Variants in ARNT observed in about 807,000 individuals in gnomAD.
ARNT encodes the protein aryl hydrocarbon receptor nuclear translocator, also known as class E basic helix-loop-helix protein 2.
ARNT carries 30 observed loss-of-function variants against 105.0 expected under a neutral mutation model. The observed-to-expected ratio is 0.29, with a 90% CI of 0.21 to 0.39. ARNT has a LOEUF of 0.39. Ranked by LOEUF, ARNT falls within the 10% of genes least tolerant of loss-of-function variation. The probability of loss-of-function intolerance (pLI) is 1.00; values close to 1 mark genes in which losing one functional copy is unlikely to be tolerated. For synonymous variants in ARNT, 304 were observed against 344.0 expected (o/e 0.88, Z 1.29); for missense variants, 748 against 978.7 (o/e 0.76, Z 3.15).
At chr1:150,850,312 C>T (rs1663092334) in intron 3 of ARNT, among the ~76,000 whole-genome samples, 1 of 152,186 alleles carries the variant, frequency 6.6e-6, no homozygotes, top group Admixed American at 6.5e-5. Flanking sequence ...TCTCTTTCCA[C>T]GGTCTCCCTC....
At position 150,816,296 on chromosome 1, in the gene ARNT, G is replaced by A; in HGVS notation, c.1913C>T (p.Thr638Ile). Residue 638 changes from threonine (T) to isoleucine (I), a missense_variant, in exon 19 of 22, where the codon ACT becomes ATT. Coordinates refer to ENST00000358595, the MANE Select transcript of ARNT (RefSeq NM_001668.4). ...GCCTGAGCGGGTAGTAGGGGTCCAAGTTGGGGTTGCTCCTTGGGTGGGGTT... is the reference window on the plus strand; with the variant it reads ...GCCTGAGCGGGTAGTAGGGGTCCAAATTGGGGTTGCTCCTTGGGTGGGGTT... ...HSNPTQGATPTWTPTTRSGFS... is the reference protein window; with the variant it reads ...HSNPTQGATPIWTPTTRSGFS... 4 of 1,608,210 alleles carry A rather than the reference G, an allele frequency of 2.5e-6. No homozygotes were observed. The highest frequency in any genetic ancestry group is 3.4e-6 in the Non-Finnish European group (4 of 1,178,356).
intron 21 of ARNT, among the ~76,000 whole-genome samples, chr1:150,812,415 T>A (rs1654916813): frequency 6.6e-6 from 1 of 152,202 alleles, no homozygotes; most frequent in Non-Finnish European, 1.5e-5. Context: ...GAGTCTCTTA[T>A]CCTATTTGTT....
chr1:150,842,620 A>G, intron 4 of ARNT, 152 bp from the exon 5 acceptor site: 1 of 585,454 alleles, frequency 1.7e-6, no homozygotes, highest in South Asian at 2.3e-5. Flanking sequence ...AAGGATATAG[A>G]ACTAAACAGA....
chr1:150,860,372 C>T (rs760070034), intron 1 of ARNT, among the ~76,000 whole-genome samples: 57 of 151,338 alleles, frequency 3.8e-4, no homozygotes, highest in Non-Finnish European at 5.0e-4. Flanking sequence ...CGCACCACCA[C>T]GCCTGGCTAA....
chr1:150,867,231 A>C (rs1018449507), intron 1 of ARNT, among the ~76,000 whole-genome samples: 7 of 151,270 alleles, frequency 4.6e-5, no homozygotes, highest in African/African-American at 1.5e-4. Context: ...ACAAAAAAAA[A>C]CAGATTACTC....
intron 3 of ARNT, among the ~76,000 whole-genome samples, chr1:150,850,462 T>C (rs1447380814): frequency 6.6e-6 from 1 of 152,214 alleles, no homozygotes; most frequent in Non-Finnish European, 1.5e-5. Flanking sequence ...TCGTATTTTT[T>C]TGGTGGAGAC....
chr1:150,834,374 C>T (rs767396774), intron 8 of ARNT, among the ~76,000 whole-genome samples, 164 bp downstream of exon 8: 10 of 152,156 alleles, frequency 6.6e-5, no homozygotes, highest in African/African-American at 1.4e-4. Context: ...AGTTCAGAAA[C>T]GTTAGTTCCC....
At position 150,851,702 on chromosome 1, in the gene ARNT, C is replaced by T. The variant is rs587619763; in HGVS notation, c.182+1060G>A. On this transcript the variant is annotated intron_variant, in intron 3 of 21. Coordinates refer to ENST00000358595, the MANE Select transcript of ARNT (RefSeq NM_001668.4). The stretch of plus-strand genomic sequence containing the variant: ...ATCACCACTCCCTAATCTCAAGTAC[C>T]CAGGGACACAAACACTGTGGAAGGC... Among the ~76,000 whole-genome samples the T allele has an allele frequency of 3.6e-3, 546 of 152,188 alleles. 1 individual carries two copies. Among genetic ancestry groups the T allele is most frequent in the Middle Eastern group, 6.8e-3 (2 of 294 alleles).
At chr1:150,839,064 T>C (rs1239964792) in intron 6 of ARNT, among the ~76,000 whole-genome samples, 2 of 152,194 alleles carry the variant, frequency 1.3e-5, no homozygotes, top group Non-Finnish European at 2.9e-5. Flanking sequence ...ATTCATTCTA[T>C]TACTAAAACT....
chr1:150,836,589 T>A (rs958947985), intron 6 of ARNT, 96 bp from the exon 7 acceptor site: 3 of 1,258,314 alleles, frequency 2.4e-6, no homozygotes, highest in South Asian at 2.9e-5. Flanking sequence ...GCCACATGCA[T>A]CTCTCCGTAA....
intron 6 of ARNT, 145 bp downstream of exon 6, chr1:150,839,296 T>A (rs764700305): frequency 2.8e-6 from 2 of 704,556 alleles, no homozygotes; most frequent in Non-Finnish European, 4.8e-6. Context: ...GTCCCAATGC[T>A]AATTAATGTT....
rs1660354409 is a variant in ARNT at position 150,836,508 on chromosome 1, G to T, written c.487-15C>A. On this transcript the variant is annotated splice_polypyrimidine_tract_variant and intron_variant, in intron 6 of 21. Coordinates refer to ENST00000358595, the MANE Select transcript of ARNT (RefSeq NM_001668.4). ...TGTTTCAGTTCCTGCGCAAGAAAAA[G>T]AAATAGAAGTTAATATTTTACTCTG... 1.2e-6 allele frequency: 2 copies of T among 1,610,202 alleles called. No homozygotes were observed. Among genetic ancestry groups the T allele is most frequent in the Non-Finnish European group, 1.7e-6 (2 of 1,178,026 alleles).
rs1654713601 is a variant in ARNT, at chr1:150,811,471, CACACACAT to C, written c.*542_*549del. On this transcript the variant is annotated 3_prime_UTR_variant, in exon 22 of 22. Transcript: ENST00000358595. ...AAGCATGTGTGCGCACACACACACACACACACATACACACACACTCTCTCTCACTTACT... is the reference window on the plus strand; with the variant it reads ...AAGCATGTGTGCGCACACACACACACACACACACACTCTCTCTCACTTACT... The C allele has an allele frequency of 4.3e-6, 1 of 232,162 alleles. No homozygotes were observed. The highest frequency in any genetic ancestry group is 2.3e-5 in the African/African-American group (1 of 44,108). The allele number at this position is 232,162 out of a possible 1,614,324, so 14.4% of individuals were successfully genotyped here.
Position 150,811,944 on chromosome 1 carries a change from T to C in ARNT, c.*77A>G. The stretch of plus-strand genomic sequence containing the variant: ...AGGGAAGGGAGAGGAACTTTTATTC[T>C]GTTTACAGAAAGATTTGCTTTTTAA... On this transcript the variant is annotated 3_prime_UTR_variant, in exon 22 of 22. Transcript: ENST00000358595. The C allele has an allele frequency of 8.5e-7, 1 of 1,173,564 alleles. No individual in the cohort carries two copies. Among genetic ancestry groups the C allele is most frequent in the Non-Finnish European group, 1.2e-6 (1 of 864,622 alleles). The allele number at this position is 1,173,564 out of a possible 1,614,324, so 72.7% of individuals were successfully genotyped here.
At chr1:150,845,117 G>A (rs1311008996) in intron 4 of ARNT, among the ~76,000 whole-genome samples, 1 of 151,846 alleles carries the variant, frequency 6.6e-6, no homozygotes, top group Non-Finnish European at 1.5e-5. Context: ...GCCTCTTACT[G>A]TCATTTTTAA....
intron 3 of ARNT, among the ~76,000 whole-genome samples, chr1:150,852,494 A>G (rs780861785): frequency 2.0e-5 from 3 of 152,208 alleles, no homozygotes; most frequent in Non-Finnish European, 4.4e-5. Flanking sequence ...CAGAATTGAG[A>G]AATAACGAAC....
chr1:150,821,498 GC>G (rs1195913824), intron 14 of ARNT, among the ~76,000 whole-genome samples: 2 of 152,274 alleles, frequency 1.3e-5, no homozygotes, highest in East Asian at 3.9e-4. Context: ...GCAATAGGTG[GC>G]TACCAAATTA....
chr1:150,817,975 G>A lies in ARNT; in HGVS notation c.1450C>T (p.Leu484=). 1 of 1,613,836 alleles carries A rather than the reference G, an allele frequency of 6.2e-7. No homozygotes were observed. The highest frequency in any genetic ancestry group is 8.5e-7 in the Non-Finnish European group (1 of 1,179,958). Reference sequence around the variant, plus strand: ...AGGGGTAAATTAGCTGTGGGACCTAGTTGTGGCCTCTGGATTGTGTTGGAG... The same window carrying A: ...AGGGGTAAATTAGCTGTGGGACCTAATTGTGGCCTCTGGATTGTGTTGGAG... ...TLSNTIQRPQ[L]GPTANLPLEM... The change falls in exon 15 of 22, where the codon CTA becomes TTA. Residue 484 remains leucine (L), a synonymous_variant. Transcript: ENST00000358595.
intron 3 of ARNT, among the ~76,000 whole-genome samples, chr1:150,850,482 C>T (rs1230263837): frequency 6.6e-6 from 1 of 152,074 alleles, no homozygotes; most frequent in Non-Finnish European, 1.5e-5. Flanking sequence ...CGGGGTTTCG[C>T]TGGGTTGGCC....
Sources: allele counts gnomAD v4.1 joint callset (sites outside exome capture counted in the v4.1 genomes callset), GRCh38; gene constraint gnomAD v4.1.1; transcripts MANE v1.5; gene names NCBI Gene and HGNC (gene_info 2026-07-23, HGNC 2026-07-21).